TRIM38: variants seen among roughly 807,000 people sequenced by gnomAD.
TRIM38 encodes E3 ubiquitin-protein ligase TRIM38.
A neutral mutation model predicts 35.8 loss-of-function variants in TRIM38; 35 were observed. That is an observed-to-expected ratio of 0.98 (90% CI 0.75 to 1.30). The LOEUF (loss-of-function observed/expected upper bound fraction) is 1.30. Ranked by LOEUF, TRIM38 falls within the 50% of genes most tolerant of loss-of-function variation. TRIM38 has a pLI of 0.00. For synonymous variants in TRIM38, 198 were observed against 204.7 expected (o/e 0.97, Z 0.28); for missense variants, 545 against 556.9 (o/e 0.98, Z 0.21).
rs1175602868 is a variant in TRIM38, at chr6:25,969,338, A to G, written c.425A>G (p.Lys142Arg). Residue 142 changes from lysine to arginine, a missense_variant, in exon 4 of 8, where the codon AAA becomes AGA. Transcript: ENST00000357085. The stretch of plus-strand genomic sequence containing the variant: ...TTTTTCCTTCAGGAAAAGCTCCAGA[A>G]AGCTGTGACAAAACTGAAGCAACTT... ...VCQGYKEKLQ[K>R]AVTKLKQLED... 1 of 1,612,704 alleles carries G rather than the reference A, an allele frequency of 6.2e-7. No homozygotes were observed. Among genetic ancestry groups the G allele is most frequent in the Non-Finnish European group, 8.5e-7 (1 of 1,179,398 alleles).
intron 2 of TRIM38, among the ~76,000 whole-genome samples, chr6:25,964,381 A>G (rs1759953552): frequency 6.6e-6 from 1 of 152,224 alleles, no homozygotes; most frequent in East Asian, 1.9e-4. Flanking sequence ...TTTGAGGGGC[A>G]GTAAATGATT....
At chr6:25,975,107 A>G (rs1760353387) in intron 7 of TRIM38, 1 of 953,878 alleles carries the variant, frequency 1.0e-6, no homozygotes. Context: ...ATCTCGGCTC[A>G]CTGCAAGCTC....
intron 7 of TRIM38, among the ~76,000 whole-genome samples, chr6:25,979,589 A>T (rs548425798): frequency 6.6e-6 from 1 of 152,072 alleles, no homozygotes; most frequent in Admixed American, 6.5e-5. Context: ...TACTTTGATA[A>T]ATCTCATTGG....
chr6:25,973,764 A>G, intron 7 of TRIM38: 1 of 985,474 alleles, frequency 1.0e-6, no homozygotes, highest in Non-Finnish European at 1.2e-6. Context: ...TATCATTCAC[A>G]TATTTTAGGA....
At position 25,983,156 on chromosome 6, in the gene TRIM38, T is replaced by C. The variant is rs1394325054; in HGVS notation, c.875-8T>C. Reference sequence around the variant, plus strand: ...AATTATTTTTGTTTGTTTTGTTTTGTTTTGCAGTTAGTGTGACTCTGGATC... The same window carrying C: ...AATTATTTTTGTTTGTTTTGTTTTGCTTTGCAGTTAGTGTGACTCTGGATC... On this transcript the variant is annotated splice_region_variant and splice_polypyrimidine_tract_variant and intron_variant, in intron 7 of 7. Coordinates refer to ENST00000357085, the MANE Select transcript of TRIM38 (RefSeq NM_006355.5). 3 of 1,552,508 alleles carry C rather than the reference T, an allele frequency of 1.9e-6. No individual in the cohort carries two copies. Among genetic ancestry groups the C allele is most frequent in the South Asian group, 1.2e-5 (1 of 81,992 alleles).
Position 25,983,343 on chromosome 6 carries a change from G to C in TRIM38, c.1054G>C (p.Asp352His). 1.2e-6 allele frequency: 2 copies of C among 1,614,138 alleles called. No individual in the cohort carries two copies. The highest frequency in any genetic ancestry group is 1.7e-6 in the Non-Finnish European group (2 of 1,180,016). Residue 352 changes from aspartate (D) to histidine (H), a missense_variant, in exon 8 of 8, where the codon GAT (aspartate) becomes CAT (histidine). Transcript: ENST00000357085. ...FTSGRRYFEV[D>H]VGEGTGWDLG... ...CTCAGGAAGACGTTACTTTGAAGTG[G>C]ATGTTGGCGAAGGAACCGGATGGGA...
At chr6:25,979,191 T>C (rs1213504767) in intron 7 of TRIM38, among the ~76,000 whole-genome samples, 1 of 151,980 alleles carries the variant, frequency 6.6e-6, no homozygotes, top group Non-Finnish European at 1.5e-5. Context: ...TTTGGTTTGT[T>C]ATTTATATTA....
rs1760681430 is a variant in TRIM38, at chr6:25,985,308, A to T, written c.*1621A>T. 6.6e-6 allele frequency: 1 copy of T among 151,440 alleles called. No individual in the cohort carries two copies. Among genetic ancestry groups the T allele is most frequent in the Non-Finnish European group, 1.5e-5 (1 of 67,904 alleles). The allele number at this position is 151,440 out of a possible 1,614,324, so 9.4% of individuals were successfully genotyped here. ...TCTTTTTTTTTAAAAAAAAAAAAAA[A>T]AAAAGGGAAAGAAAAAGTTGCCTTC... On this transcript the variant is annotated 3_prime_UTR_variant, in exon 8 of 8. Coordinates refer to ENST00000357085, the MANE Select transcript of TRIM38 (RefSeq NM_006355.5).
chr6:25,966,637 T>C lies in TRIM38; in HGVS notation c.115T>C (p.Cys39Arg). The C allele has an allele frequency of 6.2e-7, 1 of 1,614,178 alleles. No individual in the cohort carries two copies. Among genetic ancestry groups the C allele is most frequent in the Non-Finnish European group, 8.5e-7 (1 of 1,180,048 alleles). ...INCGHSYCHL[C>R]ITDFFKNPSQ... ...CTGTGGACACAGCTACTGCCACTTG[T>C]GTATAACAGACTTCTTTAAAAACCC... The change falls in exon 3 of 8, where the codon TGT becomes CGT. Residue 39 changes from cysteine (C) to arginine (R), a missense_variant. Coordinates refer to ENST00000357085, the MANE Select transcript of TRIM38 (RefSeq NM_006355.5).
intron 7 of TRIM38, among the ~76,000 whole-genome samples, chr6:25,977,101 C>T (rs186584340): frequency 6.6e-6 from 1 of 152,308 alleles, no homozygotes; most frequent in East Asian, 1.9e-4. Flanking sequence ...TGGCATTTTG[C>T]ATTTTCATCC....
In TRIM38 at chr6:25,973,308, G is replaced by A. The variant is rs1219252439; in HGVS notation, c.874+23G>A. The A allele has an allele frequency of 2.5e-6, 4 of 1,609,340 alleles. No individual in the cohort carries two copies. In the African/African-American group the frequency reaches 5.3e-5, roughly 22 times the overall value. On this transcript the variant is annotated intron_variant, in intron 7 of 7. Transcript: ENST00000357085. ...AAGGTATGTTCACTAAAGAATTCCT[G>A]AATACTGTGGATAGAAGGGGCCTTA...
Position 25,966,873 on chromosome 6 carries a change from G to A in TRIM38, c.351G>A (p.Arg117=). The change falls in exon 3 of 8, where the codon CGG becomes CGA. Residue 117 remains arginine (R), a synonymous_variant. Transcript: ENST00000357085. ...AGCTCATCTGCTGGCGCTGTGAGCG[G>A]GCACCACAGCACAAAGGGCACACCA... The part of the protein sequence containing the change: ...EGQLICWRCE[R]APQHKGHTTA... 1 of 1,614,164 alleles carries A rather than the reference G, an allele frequency of 6.2e-7. No individual in the cohort carries two copies. The highest frequency in any genetic ancestry group is 1.1e-5 in the South Asian group (1 of 91,084).
chr6:25,966,496 C>A lies in TRIM38; in HGVS notation c.-27C>A. The A allele has an allele frequency of 6.4e-7, 1 of 1,560,840 alleles. No individual in the cohort carries two copies. Among genetic ancestry groups the A allele is most frequent in the South Asian group, 1.2e-5 (1 of 83,330 alleles). Reference sequence around the variant, plus strand: ...GCTGCTTCATCTCCATCTCTAGAGCCAATATTGGAGCTTTTCAATAAAAGC... The same window carrying A: ...GCTGCTTCATCTCCATCTCTAGAGCAAATATTGGAGCTTTTCAATAAAAGC... On this transcript the variant is annotated 5_prime_UTR_variant, in exon 3 of 8. Transcript: ENST00000357085.
chr6:25,983,516 C>G lies in TRIM38; in HGVS notation c.1227C>G (p.Pro409=), dbSNP rs757567958. The G allele has an allele frequency of 1.1e-4, 184 of 1,613,942 alleles. No individual in the cohort carries two copies. Among genetic ancestry groups the G allele is most frequent in the Non-Finnish European group, 1.5e-4 (180 of 1,180,038 alleles). ...PPTSLHLHEQ[P]LLVGIFLDYE... ...CTTCCCTTCATCTGCATGAGCAGCC[C>G]CTGCTTGTGGGAATTTTTCTGGACT... Residue 409 remains proline (P), a synonymous_variant, in exon 8 of 8, where the codon CCC becomes CCG. Coordinates refer to ENST00000357085, the MANE Select transcript of TRIM38 (RefSeq NM_006355.5).
At chr6:25,967,014 C>A in intron 3 of TRIM38, 81 bp downstream of exon 3, 1 of 1,403,950 alleles carries the variant, frequency 7.1e-7, no homozygotes, top group Non-Finnish European at 9.6e-7. Flanking sequence ...TAACTTGAAA[C>A]CTAACATTAT....
At chr6:25,971,287 A>G (rs1018749599) in intron 4 of TRIM38, among the ~76,000 whole-genome samples, 4 of 152,152 alleles carry the variant, frequency 2.6e-5, no homozygotes, top group Admixed American at 1.3e-4. Flanking sequence ...TTGGGTGACT[A>G]TAAGGAATCT....
intron 2 of TRIM38, among the ~76,000 whole-genome samples, chr6:25,965,813 C>T (rs1011300065): frequency 4.6e-5 from 7 of 151,478 alleles, no homozygotes; most frequent in East Asian, 1.9e-4. Context: ...AGCTACTACT[C>T]GGGAGGCTGA....
At chr6:25,964,501 T>C (rs1759955976) in intron 2 of TRIM38, among the ~76,000 whole-genome samples, 1 of 152,172 alleles carries the variant, frequency 6.6e-6, no homozygotes, top group African/African-American at 2.4e-5. Flanking sequence ...CAGACATTAT[T>C]TTGTGAAAGT....
At chr6:25,980,115 A>C (rs1276481362) in intron 7 of TRIM38, among the ~76,000 whole-genome samples, 1 of 152,208 alleles carries the variant, frequency 6.6e-6, no homozygotes, top group African/African-American at 2.4e-5. Context: ...AGAAAACTGC[A>C]TATTCTCTGC....
Sources: allele counts gnomAD v4.1 joint callset (sites outside exome capture counted in the v4.1 genomes callset), GRCh38; gene constraint gnomAD v4.1.1; transcripts MANE v1.5; gene names NCBI Gene and HGNC (gene_info 2026-07-23, HGNC 2026-07-21).